SLC39A11: variants seen among roughly 807,000 people sequenced by gnomAD.
SLC39A11 encodes the protein zinc transporter ZIP11.
SLC39A11 carries 33 observed loss-of-function variants against 36.1 expected under a neutral mutation model. That is an observed-to-expected ratio of 0.91 (90% CI 0.69 to 1.22). SLC39A11 has a LOEUF of 1.22. Ranked by LOEUF, SLC39A11 falls within the 50% of genes most tolerant of loss-of-function variation. The pLI, the probability that SLC39A11 is intolerant of heterozygous loss-of-function variation, is 0.00. For missense variants in SLC39A11, 432 were observed against 430.3 expected (o/e 1.00, Z -0.03); for synonymous variants, 166 against 170.3 (o/e 0.97, Z 0.20).
chr17:72,953,526 G>C (rs1253205540), intron 4 of SLC39A11, among the ~76,000 whole-genome samples: 1 of 152,158 alleles, frequency 6.6e-6, no homozygotes, highest in Non-Finnish European at 1.5e-5. Flanking sequence ...CAGGCAGGAG[G>C]AGGGCAACTG....
At chr17:72,658,957 T>A (rs1037546012) in intron 7 of SLC39A11, among the ~76,000 whole-genome samples, 1 of 152,064 alleles carries the variant, frequency 6.6e-6, no homozygotes, top group African/African-American at 2.4e-5. Flanking sequence ...AGCCTCCTAT[T>A]CCCCCCAGAC....
intron 5 of SLC39A11, among the ~76,000 whole-genome samples, chr17:72,929,881 G>A (rs543827514): frequency 1.3e-5 from 2 of 152,202 alleles, no homozygotes; most frequent in Non-Finnish European, 2.9e-5. Flanking sequence ...GTACTGAAGA[G>A]TTTCCTCCAG....
intron 5 of SLC39A11, among the ~76,000 whole-genome samples, chr17:72,863,821 A>G (rs1171938994): frequency 6.6e-6 from 1 of 152,224 alleles, no homozygotes; most frequent in Non-Finnish European, 1.5e-5. Flanking sequence ...AATCCAGGCA[A>G]TGTCTTAATA....
At chr17:73,089,325 G>A (rs115000686) in intron 1 of SLC39A11, among the ~76,000 whole-genome samples, 265 of 152,166 alleles carry the variant, frequency 1.7e-3, no homozygotes, top group African/African-American at 6.3e-3. Flanking sequence ...CTCCAATCCC[G>A]TTCTCCATCA....
chr17:72,868,113 C>T (rs754300200), intron 5 of SLC39A11, among the ~76,000 whole-genome samples: 2 of 152,250 alleles, frequency 1.3e-5, no homozygotes, highest in South Asian at 4.1e-4. Context: ...CTGGCCAATT[C>T]ATGAATCGTT....
chr17:72,790,749 T>A (rs991243447), intron 6 of SLC39A11, among the ~76,000 whole-genome samples: 14 of 152,054 alleles, frequency 9.2e-5, no homozygotes, highest in African/African-American at 3.4e-4. Context: ...GCCAGGCTGG[T>A]CTCAAACTCT....
intron 4 of SLC39A11, among the ~76,000 whole-genome samples, chr17:73,001,469 C>T (rs928449065): frequency 3.4e-5 from 5 of 148,880 alleles, no homozygotes; most frequent in African/African-American, 5.0e-5. Context: ...TGCTAAATGA[C>T]GAGTTAATGG....
At chr17:73,060,345 T>A (rs2059805428) in intron 3 of SLC39A11, among the ~76,000 whole-genome samples, 1 of 152,086 alleles carries the variant, frequency 6.6e-6, no homozygotes. Flanking sequence ...AAAATAACTT[T>A]TTGTCCTTCA....
intron 5 of SLC39A11, among the ~76,000 whole-genome samples, chr17:72,886,905 C>T (rs8078727): frequency 0.52 from 79,190 of 152,036 alleles, 22,562 homozygotes; most frequent in African/African-American, 0.75. Context: ...TTCACACTCA[C>T]TCTTGGCATT....
At chr17:72,933,546 G>C (rs1232739483) in intron 5 of SLC39A11, among the ~76,000 whole-genome samples, 6 of 152,174 alleles carry the variant, frequency 3.9e-5, no homozygotes. Context: ...CTGAGATGGA[G>C]TCTTGCTTTG....
intron 4 of SLC39A11, among the ~76,000 whole-genome samples, chr17:72,964,815 C>A (rs553228046): frequency 6.6e-6 from 1 of 152,104 alleles, no homozygotes; most frequent in Non-Finnish European, 1.5e-5. Context: ...ATGTTTATTG[C>A]GGCACTATGC....
chr17:73,000,026 GCCA>G (rs2089730980), intron 4 of SLC39A11, among the ~76,000 whole-genome samples: 2 of 152,014 alleles, frequency 1.3e-5, no homozygotes, highest in Admixed American at 1.3e-4. Flanking sequence ...ACAGGCCTGA[GCCA>G]CCACCACACC....
chr17:72,836,535 T>G (rs1163057348), intron 6 of SLC39A11, among the ~76,000 whole-genome samples: 1 of 152,050 alleles, frequency 6.6e-6, no homozygotes, highest in Non-Finnish European at 1.5e-5. Context: ...GAGATGGGGT[T>G]TCCCCACGTT....
intron 4 of SLC39A11, among the ~76,000 whole-genome samples, chr17:72,987,084 T>C (rs771664305): frequency 2.2e-4 from 34 of 152,156 alleles, no homozygotes; most frequent in Non-Finnish European, 4.3e-4. Context: ...CCCACAGTAA[T>C]GTGCGAGTTC....
At position 72,820,740 on chromosome 17, in the gene SLC39A11, G is replaced by C. The variant is rs969491886; in HGVS notation, c.601+28894C>G. 5.3e-5 allele frequency among the ~76,000 whole-genome samples: 8 copies of C among 151,118 alleles called. 1 individual carries two copies. The highest frequency in any genetic ancestry group is 1.0e-4 in the Non-Finnish European group (7 of 67,470). ...AGATGTTTCCCGTAAAGATGCCCTG[G>C]AGCTGGGTGCTAACGGGCGGGCAGA... On this transcript the variant is annotated intron_variant, in intron 6 of 9. Transcript: ENST00000255559.
intron 7 of SLC39A11, among the ~76,000 whole-genome samples, chr17:72,702,670 C>T (rs1031303191): frequency 4.6e-5 from 7 of 152,032 alleles, no homozygotes; most frequent in Admixed American, 4.6e-4. Flanking sequence ...GGCATGGTGG[C>T]TCACAAATGT....
chr17:72,780,014 G>A (rs956853926), intron 6 of SLC39A11, among the ~76,000 whole-genome samples: 3 of 152,194 alleles, frequency 2.0e-5, no homozygotes, highest in African/African-American at 7.2e-5. Context: ...TATAAGGCCT[G>A]CAGGGAACTC....
chr17:73,088,689 C>G lies in SLC39A11; in HGVS notation c.76G>C (p.Ala26Pro), dbSNP rs375622892. Residue 26 changes from alanine (A) to proline (P), a missense_variant, in exon 2 of 10, where the codon GCA becomes CCA. By Grantham distance (27) the Ala-to-Pro change is conservative. Coordinates refer to ENST00000255559, the MANE Select transcript of SLC39A11 (RefSeq NM_139177.4). ...CTAGAGAATACGAACACGAGAGCTGCCCCAGCTGCTGTCATCCCCCAGGTG... is the reference window on the plus strand; with the variant it reads ...CTAGAGAATACGAACACGAGAGCTGGCCCAGCTGCTGTCATCCCCCAGGTG... ...FFTWGMTAAG[A>P]ALVFVFSSGQ... 6.2e-7 allele frequency: 1 copy of G among 1,612,578 alleles called. No homozygotes were observed. Among genetic ancestry groups the G allele is most frequent in the Non-Finnish European group, 8.5e-7 (1 of 1,179,408 alleles).
chr17:72,826,919 C>A (rs2078053503), intron 6 of SLC39A11, among the ~76,000 whole-genome samples: 1 of 152,160 alleles, frequency 6.6e-6, no homozygotes, highest in Non-Finnish European at 1.5e-5. Context: ...AATGGTGCAT[C>A]ACTTTGGAAA....
Sources: gnomAD v4.1 joint callset for allele counts (sites outside exome capture counted in the v4.1 genomes callset) on GRCh38, gnomAD v4.1.1 for gene constraint, MANE v1.5 for transcripts, NCBI Gene and HGNC (gene_info 2026-07-23, HGNC 2026-07-21) for gene names.